BRIP1: variants seen among roughly 807,000 people sequenced by gnomAD.
The protein encoded by BRIP1 is Fanconi anemia group J protein.
BRIP1 carries 88 observed loss-of-function variants against 119.7 expected under a neutral mutation model. The observed-to-expected ratio is 0.74, with a 90% CI of 0.62 to 0.88. The LOEUF is 0.88. BRIP1 is among the 40% of genes least tolerant of loss of function. BRIP1 has a pLI of 0.00. For missense variants in BRIP1, 1,259 were observed against 1,455.4 expected (o/e 0.87, Z 2.20); for synonymous variants, 443 against 496.5 (o/e 0.89, Z 1.43).
In BRIP1 at chr17:61,778,843, A is replaced by T. The variant is rs546245100; in HGVS notation, c.1935+1418T>A. Reference sequence around the variant, plus strand: ...AGCATTCTAGGTTCCCAACTACCAAATGCCGTAGTTGCTCCCAAGTAATTG... The same window carrying T: ...AGCATTCTAGGTTCCCAACTACCAATTGCCGTAGTTGCTCCCAAGTAATTG... On this transcript the variant is annotated intron_variant, in intron 13 of 19. Transcript: ENST00000259008. This position sits in a 1 kb window ranked among gnomAD's most constrained non-coding sequence, Gnocchi z 4.4. Among the ~76,000 whole-genome samples, 1 of 152,288 alleles carries T rather than the reference A, an allele frequency of 6.6e-6. No homozygotes were observed. The highest frequency in any genetic ancestry group is 1.9e-4 in the East Asian group (1 of 5,168).
In BRIP1 at chr17:61,681,957, A is replaced by T. The variant is rs923497452; in HGVS notation, c.*1339T>A. On this transcript the variant is annotated 3_prime_UTR_variant, in exon 20 of 20. Transcript: ENST00000259008. The surrounding 1 kb of genome is among the most constrained non-coding windows in gnomAD (Gnocchi z 5.1). ...ATTTCAATTCAAATTACTCACAAAA[A>T]GTCCCAATGCCCAGTGAATAACAGA... The T allele has an allele frequency of 5.0e-6, 1 of 200,488 alleles. No homozygotes were observed. The highest frequency in any genetic ancestry group is 2.3e-5 in the African/African-American group (1 of 43,566). 12.4% of individuals were successfully genotyped at this position (200,488 alleles called of 1,614,324 possible).
chr17:61,750,900 C>T (rs1256342775), intron 14 of BRIP1, among the ~76,000 whole-genome samples: 2 of 152,164 alleles, frequency 1.3e-5, no homozygotes, highest in African/African-American at 2.4e-5. Context: ...AATGGTACAA[C>T]TGCTGAGGAA....
chr17:61,793,816 T>C lies in BRIP1; in HGVS notation c.1341-87A>G. The C allele has an allele frequency of 7.3e-7, 1 of 1,364,318 alleles. No individual in the cohort carries two copies. The highest frequency in any genetic ancestry group is 2.1e-5 in the Admixed American group (1 of 48,410). 84.5% of individuals were successfully genotyped at this position (1,364,318 alleles called of 1,614,324 possible). On this transcript the variant is annotated intron_variant, in intron 9 of 19. Transcript: ENST00000259008. The surrounding 1 kb of genome is among the most constrained non-coding windows in gnomAD (Gnocchi z 5.2). ...AACAAGAGAATCATCATTATTGTCATGCGTTGATCTGTATATCTTGACATT... is the reference window on the plus strand; with the variant it reads ...AACAAGAGAATCATCATTATTGTCACGCGTTGATCTGTATATCTTGACATT...
chr17:61,847,100 C>CT lies in BRIP1; in HGVS notation c.627dup (p.Pro210ThrfsTer7), dbSNP rs1392582030. On this transcript the variant is annotated frameshift_variant and splice_region_variant. Coordinates refer to ENST00000259008, the MANE Select transcript of BRIP1 (RefSeq NM_032043.3). LOFTEE classifies it high-confidence loss of function. ...AACTGAACAATGGCATTAATACATACTTTCTGTGGCGAAAAGGAGTTTATC... is the reference window on the plus strand; with the variant it reads ...AACTGAACAATGGCATTAATACATACTTTTCTGTGGCGAAAAGGAGTTTATC... 6.2e-7 allele frequency: 1 copy of CT among 1,613,730 alleles called. No homozygotes were observed. Among genetic ancestry groups the CT allele is most frequent in the African/African-American group, 1.3e-5 (1 of 74,904 alleles).
At chr17:61,797,154 C>A (rs2077912555) in intron 9 of BRIP1, among the ~76,000 whole-genome samples, 1 of 151,800 alleles carries the variant, frequency 6.6e-6, no homozygotes, top group African/African-American at 2.4e-5. Flanking sequence ...CAGGCCTCAC[C>A]AGTACTGAAG....
At position 61,760,766 on chromosome 17, in the gene BRIP1, C is replaced by A. The variant is rs560655404; in HGVS notation, c.2097+15635G>T. Among the ~76,000 whole-genome samples, 4 of 151,788 alleles carry A rather than the reference C, an allele frequency of 2.6e-5. No individual in the cohort carries two copies. In the South Asian group the frequency reaches 6.2e-4, roughly 24 times the overall value. On this transcript the variant is annotated intron_variant, in intron 14 of 19. Coordinates refer to ENST00000259008, the MANE Select transcript of BRIP1 (RefSeq NM_032043.3). This position sits in a 1 kb window ranked among gnomAD's most constrained non-coding sequence, Gnocchi z 4.6. Reference sequence around the variant, plus strand: ...AATTTAAACAGACCAATAATGAGTTCTTTCCAATCAAAGAAAAGCCCAAGA... The same window carrying A: ...AATTTAAACAGACCAATAATGAGTTATTTCCAATCAAAGAAAAGCCCAAGA...
chr17:61,728,224 A>G (rs1477288189), intron 16 of BRIP1, among the ~76,000 whole-genome samples: 2 of 151,534 alleles, frequency 1.3e-5, no homozygotes, highest in Non-Finnish European at 2.9e-5. Flanking sequence ...TGTGAATGTG[A>G]GTTTTGGAAT....
Position 61,793,796 on chromosome 17 carries a change from G to C in BRIP1, c.1341-67C>G. On this transcript the variant is annotated intron_variant, in intron 9 of 19. Transcript: ENST00000259008. This position sits in a 1 kb window ranked among gnomAD's most constrained non-coding sequence, Gnocchi z 5.2. ...TACACACACTATTTCAGCAGAACAA[G>C]AGAATCATCATTATTGTCATGCGTT... The C allele has an allele frequency of 6.6e-7, 1 of 1,506,684 alleles. No homozygotes were observed. Among genetic ancestry groups the C allele is most frequent in the Non-Finnish European group, 9.0e-7 (1 of 1,106,462 alleles). The allele number at this position is 1,506,684 out of a possible 1,614,324, so 93.3% of individuals were successfully genotyped here.
intron 14 of BRIP1, among the ~76,000 whole-genome samples, chr17:61,750,971 C>T (rs1459463374): frequency 6.6e-6 from 1 of 152,176 alleles, no homozygotes; most frequent in South Asian, 2.1e-4. Context: ...TCCAGCAATT[C>T]CACTCCTAAG....
chr17:61,812,538 A>G (rs925544917), intron 6 of BRIP1, among the ~76,000 whole-genome samples: 7 of 152,030 alleles, frequency 4.6e-5, no homozygotes, highest in Admixed American at 2.0e-4. Flanking sequence ...AACTGTTCAG[A>G]GTCCTTTTAC....
rs1270970720 is a variant in BRIP1 at position 61,693,606 on chromosome 17, T to G, written c.2493-94A>C. The G allele has an allele frequency of 5.9e-6, 6 of 1,021,190 alleles. No individual in the cohort carries two copies. In the Admixed American group the frequency reaches 1.1e-4, roughly 19 times the overall value. 63.3% of individuals were successfully genotyped at this position (1,021,190 alleles called of 1,614,324 possible). Reference sequence around the variant, plus strand: ...GACAGAAAATTGGAAAAAAATCAATTTTATAGATTCCTTTAAACAATTTGT... The same window carrying G: ...GACAGAAAATTGGAAAAAAATCAATGTTATAGATTCCTTTAAACAATTTGT... On this transcript the variant is annotated intron_variant, in intron 17 of 19. Coordinates refer to ENST00000259008, the MANE Select transcript of BRIP1 (RefSeq NM_032043.3). This position sits in a 1 kb window ranked among gnomAD's most constrained non-coding sequence, Gnocchi z 4.2.
Position 61,834,947 on chromosome 17 carries a change from G to C in BRIP1, c.627+12154C>G, listed in dbSNP as rs73332531. On this transcript the variant is annotated intron_variant, in intron 6 of 19. Transcript: ENST00000259008. This position sits in a 1 kb window ranked among gnomAD's most constrained non-coding sequence, Gnocchi z 4.4. ...CCCCACAACAGTAAGCTAAATAAAT[G>C]GTTGGTTTGTTACAGCAACAGATAA... Among the ~76,000 whole-genome samples, 437 of 152,330 alleles carry C rather than the reference G, an allele frequency of 2.9e-3. 3 individuals carry two copies. The highest frequency in any genetic ancestry group is 1.0e-2 in the African/African-American group (415 of 41,566).
intron 6 of BRIP1, among the ~76,000 whole-genome samples, chr17:61,829,050 A>G (rs1222194277): frequency 6.6e-6 from 1 of 152,160 alleles, no homozygotes. Context: ...GAAGACAGAA[A>G]AGGGGAATAA....
chr17:61,702,413 T>C (rs2061628795), intron 17 of BRIP1, among the ~76,000 whole-genome samples: 1 of 152,184 alleles, frequency 6.6e-6, no homozygotes, highest in South Asian at 2.1e-4. Context: ...ACAGGTAGTT[T>C]TCCTTGAATG....
Position 61,822,760 on chromosome 17 carries a change from T to C in BRIP1, c.628-14003A>G, listed in dbSNP as rs569390399. On this transcript the variant is annotated intron_variant, in intron 6 of 19. Coordinates refer to ENST00000259008, the MANE Select transcript of BRIP1 (RefSeq NM_032043.3). This position sits in a 1 kb window ranked among gnomAD's most constrained non-coding sequence, Gnocchi z 4.4. ...GTAGTGGGATGTGAATGGGGAAAAG[T>C]TTGTGTTTAAAAAAAAAAAGGCCCT... Among the ~76,000 whole-genome samples, 1 of 151,036 alleles carries C rather than the reference T, an allele frequency of 6.6e-6. No individual in the cohort carries two copies. Among genetic ancestry groups the C allele is most frequent in the Admixed American group, 6.6e-5 (1 of 15,218 alleles).
At position 61,724,474 on chromosome 17, in the gene BRIP1, A is replaced by G. The variant is rs1294405009; in HGVS notation, c.2380-8411T>C. 6.6e-6 allele frequency among the ~76,000 whole-genome samples: 1 copy of G among 152,192 alleles called. No homozygotes were observed. Among genetic ancestry groups the G allele is most frequent in the African/African-American group, 2.4e-5 (1 of 41,460 alleles). ...TTAACATTAGACTTTTTCAACTTTC[A>G]GTCAAACTCTTTGCACAAAAGTAGC... is the stretch of plus-strand genomic sequence containing the variant. On this transcript the variant is annotated intron_variant, in intron 16 of 19. Transcript: ENST00000259008. The surrounding 1 kb of genome is among the most constrained non-coding windows in gnomAD (Gnocchi z 5.1).
chr17:61,756,859 T>C lies in BRIP1; in HGVS notation c.2098-12268A>G, dbSNP rs1308406381. 1.3e-5 allele frequency among the ~76,000 whole-genome samples: 2 copies of C among 152,246 alleles called. No individual in the cohort carries two copies. The highest frequency in any genetic ancestry group is 2.9e-5 in the Non-Finnish European group (2 of 68,032). The stretch of plus-strand genomic sequence containing the variant: ...GTCCTCTGGAAAATGTTTTTTGGCA[T>C]GTGTTTAACTTTATAATATTGCCAT... On this transcript the variant is annotated intron_variant, in intron 14 of 19. Coordinates refer to ENST00000259008, the MANE Select transcript of BRIP1 (RefSeq NM_032043.3). This position sits in a 1 kb window ranked among gnomAD's most constrained non-coding sequence, Gnocchi z 4.3.
chr17:61,849,163 T>G lies in BRIP1; in HGVS notation c.473A>C (p.Lys158Thr), dbSNP rs769364081. The G allele has an allele frequency of 6.2e-7, 1 of 1,613,590 alleles. No individual in the cohort carries two copies. The highest frequency in any genetic ancestry group is 8.5e-7 in the Non-Finnish European group (1 of 1,179,670). Residue 158 changes from lysine to threonine, a missense_variant, in exon 5 of 20, where the codon AAG becomes ACG. This residue lies in a region of BRIP1 where 501 missense variants were observed against 544.0 expected (regional missense o/e 0.92). Coordinates refer to ENST00000259008, the MANE Select transcript of BRIP1 (RefSeq NM_032043.3). ...AGTTTCTAAGGGTCGAATTCTTTTC[T>G]TCTCTACTTGAAAATCATCATTTTC... ...RDENDDFQVE[K>T]KRIRPLETTQ...
rs2078736087 is a variant in BRIP1 at position 61,846,599 on chromosome 17, C to T, written c.627+502G>A. Among the ~76,000 whole-genome samples, 1 of 152,104 alleles carries T rather than the reference C, an allele frequency of 6.6e-6. No individual in the cohort carries two copies. Among genetic ancestry groups the T allele is most frequent in the African/African-American group, 2.4e-5 (1 of 41,400 alleles). ...TCAGGGTTTCGCCATGTTGCCCAGG[C>T]TGGTTTCAAACTCGTGAACTCAAGT... On this transcript the variant is annotated intron_variant, in intron 6 of 19. Coordinates refer to ENST00000259008, the MANE Select transcript of BRIP1 (RefSeq NM_032043.3). The surrounding 1 kb of genome is among the most constrained non-coding windows in gnomAD (Gnocchi z 4.3).
Sources: allele counts gnomAD v4.1 joint callset (sites outside exome capture counted in the v4.1 genomes callset), GRCh38; gene constraint gnomAD v4.1.1; regional missense constraint gnomAD v4.1.1; non-coding constraint Gnocchi (gnomAD v3.1); transcripts MANE v1.5; gene names NCBI Gene and HGNC (gene_info 2026-07-23, HGNC 2026-07-21).